The following ITCH variants were observed in gnomAD, a reference collection of about 807,000 sequenced individuals.
ITCH encodes itchy E3 ubiquitin protein ligase.
In ITCH, 28 loss-of-function variants were observed where a neutral mutation model predicts 126.8. That is an observed-to-expected ratio of 0.22 (90% CI 0.16 to 0.30). The LOEUF (loss-of-function observed/expected upper bound fraction) is 0.30, where lower values mean the gene tolerates loss of function less well. ITCH is among the 10% of genes least tolerant of loss of function. The pLI, the probability that ITCH is intolerant of heterozygous loss-of-function variation, is 1.00. For missense variants in ITCH, 631 were observed against 1,032.4 expected, an observed-to-expected ratio of 0.61 and a Z score of 5.33; for synonymous variants, 342 against 340.0, an observed-to-expected ratio of 1.01 and a Z score of -0.06.
chr20:34,386,452 A>G (rs2146043612), intron 2 of ITCH, among the ~76,000 whole-genome samples: 1 of 152,262 alleles, frequency 6.6e-6, no homozygotes. Flanking sequence ...CTAATTTACC[A>G]CACATGCTTC....
intron 2 of ITCH, among the ~76,000 whole-genome samples, chr20:34,383,513 T>C (rs996294452): frequency 6.6e-6 from 1 of 151,568 alleles, no homozygotes; most frequent in African/African-American, 2.4e-5. Context: ...ATTACAGGTA[T>C]GCGCCACCAC....
intron 7 of ITCH, 23 bp downstream of exon 7, chr20:34,424,548 C>G (rs1404926046): frequency 3.1e-6 from 5 of 1,590,950 alleles, no homozygotes; most frequent in Non-Finnish European, 4.3e-6. Flanking sequence ...TGATTGCTTA[C>G]CACAGAATGC....
chr20:34,456,178 GTGTGTGTATATATATATA>G (rs1218497327), intron 12 of ITCH, among the ~76,000 whole-genome samples: 16 of 34,512 alleles, frequency 4.6e-4, no homozygotes, highest in South Asian at 3.0e-3. Context: ...GTGTGTGTGT[GTGTGTGTATATATATATA>G]TATATATATA....
intron 16 of ITCH, among the ~76,000 whole-genome samples, chr20:34,474,784 G>A (rs1404151149): frequency 8.8e-6 from 1 of 113,414 alleles, no homozygotes; most frequent in East Asian, 2.4e-4. Flanking sequence ...CGGCTGGCCG[G>A]GCGGGGGGGC....
chr20:34,482,765 C>T (rs1988846251), intron 20 of ITCH, among the ~76,000 whole-genome samples: 1 of 152,182 alleles, frequency 6.6e-6, no homozygotes, highest in Admixed American at 6.5e-5. Context: ...CTCCACTAGG[C>T]AGTGCCCCAG....
chr20:34,474,443 G>A (rs1415006553), intron 16 of ITCH, among the ~76,000 whole-genome samples: 1 of 152,200 alleles, frequency 6.6e-6, no homozygotes, highest in Non-Finnish European at 1.5e-5. Context: ...AACCATGAGT[G>A]GACGCAGCAC....
intron 3 of ITCH, among the ~76,000 whole-genome samples, chr20:34,396,752 T>A (rs991973276): frequency 1.3e-5 from 2 of 152,204 alleles, no homozygotes; most frequent in African/African-American, 4.8e-5. Context: ...CATTTTTGTA[T>A]CTTTTTTGGA....
intron 3 of ITCH, among the ~76,000 whole-genome samples, chr20:34,395,466 C>A (rs2038642747): frequency 6.6e-6 from 1 of 152,138 alleles, no homozygotes. Flanking sequence ...CTTAGTTCAG[C>A]AAGTCAAAGC....
intron 17 of ITCH, 89 bp downstream of exon 17, chr20:34,477,949 A>G (rs923330366): frequency 3.9e-6 from 6 of 1,540,276 alleles, no homozygotes; most frequent in Non-Finnish European, 5.3e-6. Flanking sequence ...TCTCAATCTT[A>G]TATTTTAGGA....
At chr20:34,381,025 T>G (rs746583584) in intron 2 of ITCH, among the ~76,000 whole-genome samples, 11 of 151,806 alleles carry the variant, frequency 7.2e-5, no homozygotes, top group Non-Finnish European at 1.2e-4. Context: ...TGGTCTCAAG[T>G]AATCTACCTG....
At chr20:34,391,973 G>A (rs906565082) in intron 2 of ITCH, among the ~76,000 whole-genome samples, 13 of 152,264 alleles carry the variant, frequency 8.5e-5, no homozygotes, top group African/African-American at 2.9e-4. Context: ...GTGGAGATGA[G>A]CGACTGTTGA....
intron 20 of ITCH, among the ~76,000 whole-genome samples, chr20:34,487,292 A>C (rs1989197835): frequency 6.6e-6 from 1 of 152,144 alleles, no homozygotes; most frequent in Non-Finnish European, 1.5e-5. Context: ...GATTACAGGC[A>C]TGAGCCGCCG....
intron 16 of ITCH, among the ~76,000 whole-genome samples, chr20:34,475,688 A>T (rs1988143925): frequency 7.0e-6 from 1 of 143,354 alleles, no homozygotes; most frequent in South Asian, 2.4e-4. Context: ...GAGACGGGAG[A>T]GGCAGAGGCA....
chr20:34,492,415 G>C (rs1989579867), intron 22 of ITCH, 86 bp from the exon 23 acceptor site: 1 of 939,032 alleles, frequency 1.1e-6, no homozygotes, highest in Admixed American at 1.9e-5. Flanking sequence ...AAAAATAAAA[G>C]ATTTGAAATC....
intron 22 of ITCH, among the ~76,000 whole-genome samples, chr20:34,490,838 A>T (rs1211541091): frequency 6.6e-6 from 1 of 152,234 alleles, no homozygotes; most frequent in Non-Finnish European, 1.5e-5. Flanking sequence ...CTTGGTATAC[A>T]GCCCAAAAAA....
rs749403195 is a variant in ITCH, at chr20:34,479,622, G to T, written c.1659-8G>T. On this transcript the variant is annotated splice_polypyrimidine_tract_variant and splice_region_variant and intron_variant, in intron 17 of 24. Transcript: ENST00000374864. ...GATTTTTCATCGTAAATTTTCTTTT[G>T]ATTTCAGAGAATGGTTCTTTCTTTT... The T allele has an allele frequency of 6.2e-6, 10 of 1,612,908 alleles. 1 individual carries two copies. The Admixed American group carries it at 1.2e-4, about 19-fold the overall frequency.
intron 2 of ITCH, among the ~76,000 whole-genome samples, chr20:34,379,408 G>T (rs146989058): frequency 2.0e-5 from 3 of 151,988 alleles, no homozygotes; most frequent in Non-Finnish European, 4.4e-5. Context: ...ACCTTGTTAT[G>T]TGACCATTAC....
At chr20:34,462,363 G>A (rs747884246) in intron 14 of ITCH, 142 bp downstream of exon 14, 2 of 832,752 alleles carry the variant, frequency 2.4e-6, no homozygotes, top group African/African-American at 1.7e-5. Flanking sequence ...TAAGTATTTT[G>A]CATTTCCATC....
chr20:34,377,281 T>C (rs756011328), intron 2 of ITCH, among the ~76,000 whole-genome samples: 4 of 151,944 alleles, frequency 2.6e-5, no homozygotes, highest in Non-Finnish European at 5.9e-5. Context: ...GGCTGAGGCA[T>C]GAGTATTGCT....
Sources: gnomAD v4.1 joint callset for allele counts (sites outside exome capture counted in the v4.1 genomes callset) on GRCh38, gnomAD v4.1.1 for gene constraint, MANE v1.5 for transcripts, NCBI Gene and HGNC (gene_info 2026-07-23, HGNC 2026-07-21) for gene names.